Variants in RHOU observed in about 807,000 individuals in gnomAD.
RHOU encodes ras homolog family member U.
RHOU carries 8 observed loss-of-function variants against 12.6 expected under a neutral mutation model. The ratio of observed to expected loss-of-function variants is 0.64; its 90% CI spans 0.37 to 1.15. The LOEUF (loss-of-function observed/expected upper bound fraction) is 1.15, where lower values mean the gene tolerates loss of function less well. Ranked by LOEUF, RHOU falls within the 50% of genes most tolerant of loss-of-function variation. The pLI, the probability that RHOU is intolerant of heterozygous loss-of-function variation, is 0.01. For missense variants in RHOU, 258 were observed against 347.0 expected (o/e 0.74, Z 2.04); for synonymous variants, 161 against 147.4 (o/e 1.09, Z -0.67).
At chr1:228,740,719 G>T (rs1662703631) in intron 2 of RHOU, among the ~76,000 whole-genome samples, 1 of 152,216 alleles carries the variant, frequency 6.6e-6, no homozygotes. Flanking sequence ...CACTTCAGAT[G>T]CCTGGAGAAT....
chr1:228,649,522 T>A, the RHOU span, among the ~76,000 whole-genome samples: 19 of 152,338 alleles, frequency 1.2e-4, no homozygotes, highest in African/African-American at 3.8e-4. Flanking sequence ...TTTAAAAAAA[T>A]TCATGTAACT....
At chr1:228,680,518 C>T in the RHOU span, among the ~76,000 whole-genome samples, 3 of 152,294 alleles carry the variant, frequency 2.0e-5, no homozygotes, top group Non-Finnish European at 1.5e-5. Context: ...AGGCAAGTAG[C>T]TGTAACTCAG....
At chr1:228,685,173 TG>T in the RHOU span, among the ~76,000 whole-genome samples, 2 of 152,186 alleles carry the variant, frequency 1.3e-5, no homozygotes, top group Non-Finnish European at 2.9e-5. Context: ...ATTGCCATCT[TG>T]GTATTGGTGG....
At position 228,737,430 on chromosome 1, in the gene RHOU, A is replaced by G. The variant is rs921292980; in HGVS notation, c.263-243A>G. On this transcript the variant is annotated intron_variant, in intron 1 of 2. Transcript: ENST00000366691. The surrounding 1 kb of genome is among the most constrained non-coding windows in gnomAD (Gnocchi z 4.1). Reference sequence around the variant, plus strand: ...AAGCATAGGCCTTTTTAGGGTCACCATCAAAGCGTTCAGGGATTTGCTGCC... The same window carrying G: ...AAGCATAGGCCTTTTTAGGGTCACCGTCAAAGCGTTCAGGGATTTGCTGCC... 1.3e-5 allele frequency among the ~76,000 whole-genome samples: 2 copies of G among 152,208 alleles called. No homozygotes were observed. The highest frequency in any genetic ancestry group is 2.9e-5 in the Non-Finnish European group (2 of 68,028).
chr1:228,681,162 T>G, the RHOU span, among the ~76,000 whole-genome samples: 2 of 152,106 alleles, frequency 1.3e-5, no homozygotes, highest in Non-Finnish European at 2.9e-5. Context: ...TTGGGAAACG[T>G]TTGGTAGAGA....
the RHOU span, among the ~76,000 whole-genome samples, chr1:228,681,789 G>A: frequency 6.6e-6 from 1 of 152,098 alleles, no homozygotes; most frequent in Non-Finnish European, 1.5e-5. Flanking sequence ...AGAAGAAGGA[G>A]AAATGGAGGG....
At chr1:228,730,577 T>A (rs2102711690), upstream of RHOU, among the ~76,000 whole-genome samples, 1 of 152,308 alleles carries the variant, frequency 6.6e-6, no homozygotes, top group Non-Finnish European at 1.5e-5. Flanking sequence ...CCGAGAACCA[T>A]ACAAAGAAGG....
chr1:228,693,450 C>T, the RHOU span, among the ~76,000 whole-genome samples: 49 of 152,272 alleles, frequency 3.2e-4, no homozygotes, highest in African/African-American at 1.2e-3. Flanking sequence ...ATATAGAAGT[C>T]CCATCATTAC....
the RHOU span, among the ~76,000 whole-genome samples, chr1:228,699,541 A>G: frequency 2.0e-5 from 3 of 151,506 alleles, no homozygotes; most frequent in African/African-American, 7.3e-5. Context: ...TATTAGAAGC[A>G]TAGGCCTTCA....
chr1:228,711,871 C>A, the RHOU span, among the ~76,000 whole-genome samples: 2 of 145,260 alleles, frequency 1.4e-5, no homozygotes, highest in Non-Finnish European at 3.0e-5. Context: ...AGTGAACAGG[C>A]AACCTACAAA....
the RHOU span, among the ~76,000 whole-genome samples, chr1:228,694,397 A>G: frequency 9.2e-4 from 140 of 152,202 alleles, no homozygotes; most frequent in Middle Eastern, 0.01. Context: ...AACGTGTGCC[A>G]TGGTGGTTTG....
At chr1:228,714,221 A>G in the RHOU span, among the ~76,000 whole-genome samples, 1 of 152,098 alleles carries the variant, frequency 6.6e-6, no homozygotes, top group South Asian at 2.1e-4. Context: ...TGCGGTGTTG[A>G]ATTCTGTTTA....
At chr1:228,691,979 T>TAA in the RHOU span, among the ~76,000 whole-genome samples, 1 of 152,250 alleles carries the variant, frequency 6.6e-6, no homozygotes, top group Non-Finnish European at 1.5e-5. Flanking sequence ...AAGTACAGAC[T>TAA]AAATGCAATC....
At chr1:228,654,596 T>G in the RHOU span, among the ~76,000 whole-genome samples, 1 of 152,216 alleles carries the variant, frequency 6.6e-6, no homozygotes, top group African/African-American at 2.4e-5. Context: ...GAATCTTGCT[T>G]CTTTTAATTT....
the RHOU span, among the ~76,000 whole-genome samples, chr1:228,707,231 A>C: frequency 2.3e-5 from 1 of 43,996 alleles, no homozygotes; most frequent in Non-Finnish European, 3.6e-5. Flanking sequence ...ATATATATAC[A>C]TATGTATATA....
At chr1:228,661,349 C>A in the RHOU span, among the ~76,000 whole-genome samples, 1 of 152,058 alleles carries the variant, frequency 6.6e-6, no homozygotes, top group African/African-American at 2.4e-5. Flanking sequence ...TTCATGGAAC[C>A]AAAAAAGAGC....
At chr1:228,683,824 C>T in the RHOU span, among the ~76,000 whole-genome samples, 13 of 152,214 alleles carry the variant, frequency 8.5e-5, no homozygotes, top group Admixed American at 3.9e-4. Context: ...GATTTCCCCA[C>T]GTTGACATTT....
At chr1:228,714,351 A>G in the RHOU span, among the ~76,000 whole-genome samples, 1 of 152,222 alleles carries the variant, frequency 6.6e-6, no homozygotes, top group Non-Finnish European at 1.5e-5. Context: ...CACAAAAATA[A>G]TTAGGAAAAT....
chr1:228,714,994 A>G, the RHOU span, among the ~76,000 whole-genome samples: 1 of 151,924 alleles, frequency 6.6e-6, no homozygotes, highest in South Asian at 2.1e-4. Context: ...TGCCTGCCTC[A>G]GCCTCCCAAA....
Sources: gnomAD v4.1 joint callset for allele counts (sites outside exome capture counted in the v4.1 genomes callset) on GRCh38, gnomAD v4.1.1 for gene constraint, Gnocchi (gnomAD v3.1) non-coding constraint, MANE v1.5 for transcripts, NCBI Gene and HGNC (gene_info 2026-07-23, HGNC 2026-07-21) for gene names.